ANKS3: variants seen among roughly 807,000 people sequenced by gnomAD.
ANKS3 encodes ankyrin repeat and sterile alpha motif domain containing 3.
ANKS3 carries 62 observed loss-of-function variants against 80.7 expected under a neutral mutation model. The ratio of observed to expected loss-of-function variants is 0.77; its 90% CI spans 0.63 to 0.95. The LOEUF (loss-of-function observed/expected upper bound fraction) is 0.95, where lower values mean the gene tolerates loss of function less well. ANKS3 is among the 40% of genes least tolerant of loss of function. ANKS3 has a pLI of 0.00. For synonymous variants in ANKS3, 489 were observed against 355.3 expected (o/e 1.38, Z -4.23); for missense variants, 1,150 against 883.6 (o/e 1.30, Z -3.82).
At chr16:4,707,075 A>G (rs1419945260) in intron 7 of ANKS3, among the ~76,000 whole-genome samples, 1 of 152,116 alleles carries the variant, frequency 6.6e-6, no homozygotes, top group East Asian at 1.9e-4. Flanking sequence ...CTTCCATCCA[A>G]GCTGAAGGGG....
chr16:4,713,549 A>G (rs1188148976), intron 7 of ANKS3, among the ~76,000 whole-genome samples: 1 of 152,220 alleles, frequency 6.6e-6, no homozygotes, highest in Non-Finnish European at 1.5e-5. Context: ...CAAAATGTAG[A>G]TGAAGAAAAA....
In ANKS3 at chr16:4,697,046, C is replaced by CTTCCCGTTCAA. The variant is rs1270085091; in HGVS notation, c.1952_1953insTTGAACGGGAA (p.Lys651AsnfsTer2). The CTTCCCGTTCAA allele has an allele frequency of 1.2e-6, 2 of 1,613,898 alleles. No homozygotes were observed. The highest frequency in any genetic ancestry group is 1.7e-6 in the Non-Finnish European group (2 of 1,179,982). On this transcript the variant is annotated stop_gained and frameshift_variant, in exon 17 of 18. Transcript: ENST00000304283. LOFTEE classifies it high-confidence loss of function. ...CCGCAGGCTAGGTCTCCCGCCACTT[C>CTTCCCGTTCAA]TTCCCGTTCAGCACCTGCAGCTTCT...
At chr16:4,721,340 G>T (rs1233611381) in intron 6 of ANKS3, among the ~76,000 whole-genome samples, 1 of 150,788 alleles carries the variant, frequency 6.6e-6, no homozygotes, top group East Asian at 1.9e-4. Flanking sequence ...TGGGTGCGTT[G>T]GCTCGTGCCT....
chr16:4,724,963 G>T, intron 5 of ANKS3, 132 bp from the exon 6 acceptor site: 2 of 665,522 alleles, frequency 3.0e-6, no homozygotes, highest in Non-Finnish European at 5.2e-6. Flanking sequence ...TCCCTTTCCA[G>T]AATTAACAGG....
In ANKS3 at chr16:4,699,135, G is replaced by A. The variant is rs747960894; in HGVS notation, c.1326C>T (p.Tyr442=). Residue 442 remains tyrosine, a synonymous_variant, in exon 12 of 18, where the codon TAC becomes TAT. Coordinates refer to ENST00000304283, the MANE Select transcript of ANKS3 (RefSeq NM_133450.4). ...CGTCCTGCTCCTCAAACACCTGCAG[G>A]TACTTCAGACACCCGATCTGCTCCA... ...ALLEQIGCLK[Y]LQVFEEQDVD... is the part of the protein sequence containing the mutation. 4.3e-5 allele frequency: 70 copies of A among 1,613,998 alleles called. No homozygotes were observed. Among genetic ancestry groups the A allele is most frequent in the Non-Finnish European group, 5.5e-5 (65 of 1,180,038 alleles).
At chr16:4,726,332 A>G (rs1338532716) in intron 5 of ANKS3, among the ~76,000 whole-genome samples, 1 of 152,148 alleles carries the variant, frequency 6.6e-6, no homozygotes, top group East Asian at 1.9e-4. Context: ...AAGAAAATGG[A>G]AGGAATTTGC....
chr16:4,719,048 T>C (rs554367682), intron 6 of ANKS3, among the ~76,000 whole-genome samples: 6 of 152,260 alleles, frequency 3.9e-5, no homozygotes, highest in African/African-American at 1.2e-4. Context: ...GGCATGCAAA[T>C]TGTTGGCCAA....
In ANKS3 at chr16:4,729,981, G is replaced by A. The variant is rs546780458; in HGVS notation, c.169C>T (p.Arg57Trp). ...QYEVVKECVQ[R>W]RELDLNKKNG... ...AGGAAGTTCCCCGAGATCTCTTACCGCTGCACACACTCCTTCACCACTTCA... is the reference window on the plus strand; with the variant it reads ...AGGAAGTTCCCCGAGATCTCTTACCACTGCACACACTCCTTCACCACTTCA... The change falls in exon 3 of 18, where the codon CGG becomes TGG. Residue 57 changes from arginine (R) to tryptophan (W), a missense_variant and splice_region_variant. Arg to Trp is a moderately radical substitution (Grantham distance 101, BLOSUM62 -3). Transcript: ENST00000304283. 6.7e-6 allele frequency: 10 copies of A among 1,493,192 alleles called. No homozygotes were observed. Among genetic ancestry groups the A allele is most frequent in the South Asian group, 5.5e-5 (4 of 72,930 alleles). The allele number at this position is 1,493,192 out of a possible 1,614,324, so 92.5% of individuals were successfully genotyped here. A position where few individuals can be genotyped will look rare whatever the true frequency, so the allele number is the denominator to read the frequency against.
At position 4,696,670 on chromosome 16, in the gene ANKS3, G is replaced by A. The variant is rs1157283030; in HGVS notation, c.*238C>T. 1 of 358,792 alleles carries A rather than the reference G, an allele frequency of 2.8e-6. No homozygotes were observed. The highest frequency in any genetic ancestry group is 5.3e-6 in the Non-Finnish European group (1 of 190,456). The allele number at this position is 358,792 out of a possible 1,614,324, so 22.2% of individuals were successfully genotyped here. A position where few individuals can be genotyped will look rare whatever the true frequency, so the allele number is the denominator to read the frequency against. ...GGGCCAGGGCAGCCCATGAACTCTG[G>A]GCCTCACCACGAGGTTCTGGGTGAG... On this transcript the variant is annotated 3_prime_UTR_variant, in exon 18 of 18. Transcript: ENST00000304283.
At position 4,714,103 on chromosome 16, in the gene ANKS3, G is replaced by C. The variant is rs1238770235; in HGVS notation, c.657C>G (p.Ala219=). 5.0e-6 allele frequency: 8 copies of C among 1,614,204 alleles called. No individual in the cohort carries two copies. Among genetic ancestry groups the C allele is most frequent in the Non-Finnish European group, 6.8e-6 (8 of 1,180,046 alleles). ...GAGAGGGCGAGTAAGTGTCCATCAAGGCCACGATCTTCATGTGTCCGTACT... is the reference window on the plus strand; with the variant it reads ...GAGAGGGCGAGTAAGTGTCCATCAACGCCACGATCTTCATGTGTCCGTACT... The part of the protein sequence containing the change: ...AKQYGHMKIV[A]LMDTYSPSLP... The change falls in exon 7 of 18, where the codon GCC becomes GCG. Residue 219 remains alanine (A), a synonymous_variant. Transcript: ENST00000304283.
chr16:4,721,998 T>C lies in ANKS3; in HGVS notation c.573+2752A>G, dbSNP rs1374609356. 5.3e-5 allele frequency among the ~76,000 whole-genome samples: 8 copies of C among 151,276 alleles called. 2 individuals carry two copies. The South Asian group carries it at 1.1e-3, about 20-fold the overall frequency. On this transcript the variant is annotated intron_variant, in intron 6 of 17. Transcript: ENST00000304283. ...ATTAAGTTTTTTAAAAAATGCAAGA[T>C]GGGAGCAGCTGCACATGGGGCAGGA...
At chr16:4,722,370 G>A (rs2081147603) in intron 6 of ANKS3, among the ~76,000 whole-genome samples, 1 of 151,790 alleles carries the variant, frequency 6.6e-6, no homozygotes, top group Non-Finnish European at 1.5e-5. Context: ...CATGAGGTCA[G>A]GAGATCGAGA....
intron 1 of ANKS3, 38 bp from the exon 2 acceptor site, chr16:4,731,617 GT>G: frequency 1.1e-6 from 1 of 912,250 alleles, no homozygotes; most frequent in Non-Finnish European, 1.3e-6. Context: ...TTCTGGAATG[GT>G]TATGAAATTG....
intron 3 of ANKS3, among the ~76,000 whole-genome samples, chr16:4,728,664 C>T (rs1318294409): frequency 1.3e-5 from 2 of 152,114 alleles, no homozygotes; most frequent in Admixed American, 6.6e-5. Flanking sequence ...TATCAGCAAG[C>T]CTCCACCTCA....
At chr16:4,730,313 A>G in intron 2 of ANKS3, 162 bp from the exon 3 acceptor site, 1 of 616,130 alleles carries the variant, frequency 1.6e-6, no homozygotes, top group Non-Finnish European at 2.5e-6. Context: ...GAAATAATGT[A>G]TGCTTTGGGC....
Position 4,698,435 on chromosome 16 carries a change from G to C in ANKS3, c.1716C>G (p.Asp572Glu). 6.6e-7 allele frequency: 1 copy of C among 1,526,644 alleles called. No homozygotes were observed. Among genetic ancestry groups the C allele is most frequent in the Non-Finnish European group, 8.8e-7 (1 of 1,142,820 alleles). 94.6% of individuals were successfully genotyped at this position (1,526,644 alleles called of 1,614,324 possible). A position where few individuals can be genotyped will look rare whatever the true frequency, so the allele number is the denominator to read the frequency against. The stretch of plus-strand genomic sequence containing the variant: ...AGCTCAGAGCCACTCACCGCAGCTG[G>C]TCCAGGACGAGGGCAGCATCCCGGG... ...ALARDAALVL[D>E]QLRACQAELS... is the part of the protein sequence containing the mutation. Residue 572 changes from aspartate (D) to glutamate (E), a missense_variant, in exon 14 of 18, where the codon GAC (aspartate) becomes GAG (glutamate). By Grantham distance (45) the Asp-to-Glu change is conservative (BLOSUM62 2). Transcript: ENST00000304283.
At chr16:4,717,877 C>A (rs1346029206) in intron 6 of ANKS3, among the ~76,000 whole-genome samples, 1 of 151,890 alleles carries the variant, frequency 6.6e-6, no homozygotes, top group Non-Finnish European at 1.5e-5. Context: ...CTCACTGCAA[C>A]CTCTGCCTTC....
At chr16:4,717,559 G>GA (rs745722214) in intron 6 of ANKS3, 199 of 143,078 alleles carry the variant, frequency 1.4e-3, no homozygotes, top group African/African-American at 3.2e-3. Context: ...TCCATCTCAA[G>GA]AAAAAAAAAA....
rs974357822 is a variant in ANKS3 at position 4,699,519 on chromosome 16, C to CTT, written c.1285-344_1285-343insAA. On this transcript the variant is annotated intron_variant, in intron 11 of 17. Coordinates refer to ENST00000304283, the MANE Select transcript of ANKS3 (RefSeq NM_133450.4). ...GAGCGCTGCCCTCTAATTCTAGAGT[C>CTT]TCAGTGTCGGATGTTCTGATTTCCA... 2.1e-5 allele frequency: 6 copies of CTT among 289,568 alleles called. No individual in the cohort carries two copies. The Admixed American group carries it at 2.6e-4, about 12-fold the overall frequency. 17.9% of individuals were successfully genotyped at this position (289,568 alleles called of 1,614,324 possible). A position where few individuals can be genotyped will look rare whatever the true frequency, so the allele number is the denominator to read the frequency against.
Sources: allele counts gnomAD v4.1 joint callset (sites outside exome capture counted in the v4.1 genomes callset), GRCh38; gene constraint gnomAD v4.1.1; transcripts MANE v1.5; gene names NCBI Gene and HGNC (gene_info 2026-07-23, HGNC 2026-07-21).